OR9Q1: variants seen among roughly 807,000 people sequenced by gnomAD.
OR9Q1 encodes olfactory receptor 9Q1.
For synonymous variants in OR9Q1, 153 were observed against 148.6 expected (o/e 1.03, Z -0.22); for missense variants, 374 against 378.8 (o/e 0.99, Z 0.11).
intron 2 of OR9Q1, among the ~76,000 whole-genome samples, chr11:58,096,164 T>TC (rs1853729339): frequency 6.6e-6 from 1 of 150,986 alleles, no homozygotes; most frequent in Non-Finnish European, 1.5e-5. Context: ...TTTTTTTTTT[T>TC]CAGGAGAACC....
intron 2 of OR9Q1, among the ~76,000 whole-genome samples, chr11:58,067,363 A>G (rs971619598): frequency 2.6e-5 from 4 of 151,892 alleles, no homozygotes; most frequent in East Asian, 1.9e-4. Context: ...TCTATTCCCA[A>G]ATCTGCTGCG....
intron 2 of OR9Q1, among the ~76,000 whole-genome samples, chr11:58,140,099 T>C (rs187992117): frequency 6.6e-6 from 1 of 152,328 alleles, no homozygotes; most frequent in East Asian, 1.9e-4. Context: ...GAGAAGTGTC[T>C]GTTCATATCC....
chr11:58,162,284 G>C (rs1329429696), intron 2 of OR9Q1, among the ~76,000 whole-genome samples: 1 of 152,166 alleles, frequency 6.6e-6, no homozygotes, highest in East Asian at 1.9e-4. Flanking sequence ...GAAATGTTAC[G>C]TTTTGTTTGA....
intron 2 of OR9Q1, among the ~76,000 whole-genome samples, chr11:58,168,290 C>G (rs892051516): frequency 6.6e-6 from 1 of 152,212 alleles, no homozygotes; most frequent in Non-Finnish European, 1.5e-5. Context: ...TTGCTGTTAA[C>G]ATTCCTACAC....
At chr11:58,037,278 A>G (rs1221117528) in intron 1 of OR9Q1, among the ~76,000 whole-genome samples, 1 of 152,148 alleles carries the variant, frequency 6.6e-6, no homozygotes, top group Admixed American at 6.5e-5. Flanking sequence ...TGCACACTTA[A>G]TAGACTACAC....
chr11:58,138,641 A>G (rs747325254), intron 2 of OR9Q1, among the ~76,000 whole-genome samples: 3 of 152,098 alleles, frequency 2.0e-5, no homozygotes, highest in Admixed American at 2.0e-4. Flanking sequence ...TCATACGTGT[A>G]TTTTTATTAT....
intron 1 of OR9Q1, chr11:58,045,236 T>A (rs545646430): frequency 6.6e-6 from 1 of 151,996 alleles, no homozygotes; most frequent in African/African-American, 2.4e-5. Context: ...GTATTTTTTG[T>A]TTGTTTGTTT....
At position 58,179,825 on chromosome 11, in the gene OR9Q1, C is replaced by T. The variant is rs1854644101; in HGVS notation, c.381C>T (p.Cys127=). 1.9e-6 allele frequency: 3 copies of T among 1,614,194 alleles called. No homozygotes were observed. In the East Asian group the frequency reaches 6.7e-5, roughly 36 times the overall value. The change falls in exon 3 of 3, where the codon TGC becomes TGT. Residue 127 remains cysteine (C), a synonymous_variant. Coordinates refer to ENST00000335397, the MANE Select transcript of OR9Q1 (RefSeq NM_001005212.4). ...LMAYDRYLAV[C]QPLLYVTILT... is the part of the protein sequence containing the mutation. ...CCTATGACCGCTACTTGGCTGTGTG[C>T]CAGCCCCTGCTTTATGTCACCATCC...
chr11:58,078,602 G>A (rs942859540), intron 2 of OR9Q1: 1 of 152,226 alleles, frequency 6.6e-6, no homozygotes, highest in Non-Finnish European at 1.5e-5. Flanking sequence ...ATTCTTTTCA[G>A]TTGTAGGTTC....
At chr11:58,123,078 C>T (rs1273756129) in intron 2 of OR9Q1, among the ~76,000 whole-genome samples, 1 of 151,604 alleles carries the variant, frequency 6.6e-6, no homozygotes, top group African/African-American at 2.4e-5. Flanking sequence ...CTGAAAGCAG[C>T]CCTTTAAGCA....
intron 2 of OR9Q1, chr11:58,144,412 AT>A (rs1369434993): frequency 6.6e-6 from 1 of 151,528 alleles, no homozygotes; most frequent in East Asian, 1.9e-4. Context: ...CTATGCAGCC[AT>A]AAAAATTTAT....
At chr11:58,162,577 G>A (rs1408178258) in intron 2 of OR9Q1, among the ~76,000 whole-genome samples, 1 of 152,194 alleles carries the variant, frequency 6.6e-6, no homozygotes, top group Non-Finnish European at 1.5e-5. Flanking sequence ...GAGCAGCAAA[G>A]GCAGAGGAGT....
rs77603837 is a variant in OR9Q1 at position 58,142,586 on chromosome 11, T to C, written c.-14-36845T>C. The stretch of plus-strand genomic sequence containing the variant: ...GCTTTTGCCAAACATTGATCAAGGT[T>C]TTACTTTATTCTTTATCTAAAGTCC... On this transcript the variant is annotated intron_variant, in intron 2 of 2. Transcript: ENST00000335397. Among the ~76,000 whole-genome samples the C allele has an allele frequency of 1.4e-4, 21 of 152,288 alleles. No homozygotes were observed. The East Asian group carries it at 4.0e-3, about 29-fold the overall frequency.
intron 2 of OR9Q1, among the ~76,000 whole-genome samples, chr11:58,101,428 A>G (rs1165761910): frequency 2.0e-5 from 3 of 152,106 alleles, no homozygotes; most frequent in African/African-American, 4.8e-5. Flanking sequence ...CTATTTGTAT[A>G]TCTTCTTTTG....
chr11:58,113,215 A>G (rs1455084364), intron 2 of OR9Q1, among the ~76,000 whole-genome samples: 1 of 152,184 alleles, frequency 6.6e-6, no homozygotes, highest in African/African-American at 2.4e-5. Context: ...ATTTTAATGC[A>G]CCTGGTCTAC....
Position 58,159,039 on chromosome 11 carries a change from C to T in OR9Q1, c.-14-20392C>T, listed in dbSNP as rs138729070. ...CTTACAATAAGTCCCTTTTAAACATCTTACAGTCACTTGAGTTGGCTTCTG... is the reference window on the plus strand; with the variant it reads ...CTTACAATAAGTCCCTTTTAAACATTTTACAGTCACTTGAGTTGGCTTCTG... On this transcript the variant is annotated intron_variant, in intron 2 of 2. Coordinates refer to ENST00000335397, the MANE Select transcript of OR9Q1 (RefSeq NM_001005212.4). 5.2e-3 allele frequency among the ~76,000 whole-genome samples: 786 copies of T among 152,312 alleles called. 7 individuals are homozygous for T. The highest frequency in any genetic ancestry group is 0.018 in the African/African-American group (758 of 41,572).
intron 2 of OR9Q1, among the ~76,000 whole-genome samples, chr11:58,178,885 A>C (rs539001863): frequency 3.4e-5 from 5 of 145,216 alleles, no homozygotes; most frequent in Admixed American, 2.1e-4. Flanking sequence ...TGTATATATT[A>C]TATATATATT....
chr11:58,153,588 T>C (rs1326021876), intron 2 of OR9Q1, among the ~76,000 whole-genome samples: 2 of 151,852 alleles, frequency 1.3e-5, no homozygotes, highest in Non-Finnish European at 2.9e-5. Context: ...AATTTGAAAG[T>C]GAATTTAAAA....
At chr11:58,173,295 C>T (rs981935905) in intron 2 of OR9Q1, among the ~76,000 whole-genome samples, 15 of 108,920 alleles carry the variant, frequency 1.4e-4, no homozygotes, top group African/African-American at 5.3e-4. Flanking sequence ...CCTCCCCCCA[C>T]CCCACAACAG....
Sources: allele counts gnomAD v4.1 joint callset (sites outside exome capture counted in the v4.1 genomes callset), GRCh38; gene constraint gnomAD v4.1.1; transcripts MANE v1.5; gene names NCBI Gene and HGNC (gene_info 2026-07-23, HGNC 2026-07-21).